The following SLC22A23 variants were observed in gnomAD, a reference collection of about 807,000 sequenced individuals.
SLC22A23 encodes the protein solute carrier family 22 member 23.
In SLC22A23, 26 loss-of-function variants were observed where a neutral mutation model predicts 61.0. That is an observed-to-expected ratio of 0.43 (90% confidence interval 0.31 to 0.59). SLC22A23 has a LOEUF of 0.59. Ranked by LOEUF, SLC22A23 falls within the 20% of genes least tolerant of loss-of-function variation. The pLI, the probability that SLC22A23 is intolerant of heterozygous loss-of-function variation, is 0.11. For synonymous variants in SLC22A23, 430 were observed against 413.9 expected (o/e 1.04, Z -0.47); for missense variants, 796 against 934.7 (o/e 0.85, Z 1.94).
intron 4 of SLC22A23, chr6:3,303,206 A>C (rs146086518): frequency 9.8e-5 from 15 of 152,310 alleles, no homozygotes; most frequent in African/African-American, 3.4e-4. Context: ...CACACACACA[A>C]AAATGCTGGC....
chr6:3,333,084 C>T lies in SLC22A23; in HGVS notation c.914-9082G>A, dbSNP rs1368691960. ...TACTGGGAATGACGCTACCACTGAC[C>T]CATGGAGCAAAGCGGCGGCGCCTCA... On this transcript the variant is annotated intron_variant, in intron 3 of 9. Coordinates refer to ENST00000406686, the MANE Select transcript of SLC22A23 (RefSeq NM_015482.2). The surrounding 1 kb of genome is among the most constrained non-coding windows in gnomAD (Gnocchi z 4.1). 1.3e-5 allele frequency among the ~76,000 whole-genome samples: 2 copies of T among 152,184 alleles called. No homozygotes were observed. Among genetic ancestry groups the T allele is most frequent in the Non-Finnish European group, 2.9e-5 (2 of 68,038 alleles).
At chr6:3,306,344 C>G (rs7770075) in intron 4 of SLC22A23, among the ~76,000 whole-genome samples, 1 of 152,106 alleles carries the variant, frequency 6.6e-6, no homozygotes, top group Non-Finnish European at 1.5e-5. Context: ...TGTGCAAACT[C>G]TATCACCCAG....
At chr6:3,437,799 A>G (rs9392493) in intron 1 of SLC22A23, among the ~76,000 whole-genome samples, 125,206 of 144,276 alleles carry the variant, frequency 0.87, 55,304 homozygotes, top group East Asian at 0.97. Flanking sequence ...CCAGGCTGGA[A>G]TGCAGTGGCA....
At chr6:3,444,454 A>T (rs1422902774) in intron 1 of SLC22A23, among the ~76,000 whole-genome samples, 1 of 152,194 alleles carries the variant, frequency 6.6e-6, no homozygotes, top group Admixed American at 6.5e-5. Context: ...AAAGTCACCA[A>T]CAACTCGTCT....
At chr6:3,396,271 C>T (rs1767997147) in intron 3 of SLC22A23, among the ~76,000 whole-genome samples, 1 of 152,232 alleles carries the variant, frequency 6.6e-6, no homozygotes, top group African/African-American at 2.4e-5. Context: ...CCATCCTGTG[C>T]CCCGGAGATG....
chr6:3,335,856 G>A (rs547713727), intron 3 of SLC22A23, among the ~76,000 whole-genome samples: 4 of 152,332 alleles, frequency 2.6e-5, no homozygotes, highest in South Asian at 2.1e-4. Context: ...TTGGGAGGCC[G>A]AGGCGGGCGG....
At chr6:3,312,587 C>T (rs1762422922) in intron 4 of SLC22A23, 1 of 152,094 alleles carries the variant, frequency 6.6e-6, no homozygotes, top group Non-Finnish European at 1.5e-5. Flanking sequence ...TGAGGCTGTC[C>T]CGGTCGCACT....
At chr6:3,289,689 C>A in intron 6 of SLC22A23, 75 bp downstream of exon 6, 1 of 1,215,880 alleles carries the variant, frequency 8.2e-7, no homozygotes, top group Non-Finnish European at 1.2e-6. Flanking sequence ...GGGAGCAGGG[C>A]CCTGGGCTTC....
rs1483243303 is a variant in SLC22A23 at position 3,289,810 on chromosome 6, C to T, written c.1267G>A (p.Gly423Arg). ...ATGTTCTTCCACAGGTTCCGTGTCC[C>T]CACCACCTTCACGATGCAGACCTTC... ...PKKVCIVKVV[G>R]TRNLWKNIVV... The change falls in exon 6 of 10, where the codon GGG (glycine) becomes AGG (arginine). Residue 423 changes from glycine (G) to arginine (R), a missense_variant. Coordinates refer to ENST00000406686, the MANE Select transcript of SLC22A23 (RefSeq NM_015482.2). 6.2e-7 allele frequency: 1 copy of T among 1,614,020 alleles called. No individual in the cohort carries two copies. Among genetic ancestry groups the T allele is most frequent in the Non-Finnish European group, 8.5e-7 (1 of 1,180,026 alleles).
At chr6:3,348,878 A>T (rs1452715223) in intron 3 of SLC22A23, among the ~76,000 whole-genome samples, 1 of 152,234 alleles carries the variant, frequency 6.6e-6, no homozygotes, top group African/African-American at 2.4e-5. Flanking sequence ...GGGAGGGCTT[A>T]GGAATTTAGA....
At chr6:3,323,407 G>C (rs987907776) in intron 4 of SLC22A23, 1 of 454,058 alleles carries the variant, frequency 2.2e-6, no homozygotes, top group Non-Finnish European at 4.4e-6. Context: ...CAGGCTGAAG[G>C]TTGCCCACCC....
Position 3,328,734 on chromosome 6 carries a change from A to C in SLC22A23, c.914-4732T>G, listed in dbSNP as rs1219579214. ...GCCCCTCATGGATGTCAGCCTGGCCACCCCTCACAGTCGTGTGGGCCAATT... is the reference window on the plus strand; with the variant it reads ...GCCCCTCATGGATGTCAGCCTGGCCCCCCCTCACAGTCGTGTGGGCCAATT... On this transcript the variant is annotated intron_variant, in intron 3 of 9. Coordinates refer to ENST00000406686, the MANE Select transcript of SLC22A23 (RefSeq NM_015482.2). The surrounding 1 kb of genome is among the most constrained non-coding windows in gnomAD (Gnocchi z 5.0). Among the ~76,000 whole-genome samples, 1 of 151,936 alleles carries C rather than the reference A, an allele frequency of 6.6e-6. No homozygotes were observed. Among genetic ancestry groups the C allele is most frequent in the African/African-American group, 2.4e-5 (1 of 41,338 alleles).
chr6:3,352,536 G>T (rs142601733), intron 3 of SLC22A23, among the ~76,000 whole-genome samples: 1 of 152,222 alleles, frequency 6.6e-6, no homozygotes, highest in Non-Finnish European at 1.5e-5. Flanking sequence ...GAGAGCAGGT[G>T]AGCACACACC....
At chr6:3,325,013 T>C (rs1478338348) in intron 3 of SLC22A23, among the ~76,000 whole-genome samples, 1 of 152,238 alleles carries the variant, frequency 6.6e-6, no homozygotes, top group Non-Finnish European at 1.5e-5. Context: ...ACAGAGCATG[T>C]ACATTTATTT....
At chr6:3,365,136 T>G (rs1048625864) in intron 3 of SLC22A23, among the ~76,000 whole-genome samples, 1 of 152,132 alleles carries the variant, frequency 6.6e-6, no homozygotes, top group African/African-American at 2.4e-5. Flanking sequence ...CTGGTCAACA[T>G]GGTGAAACCC....
At chr6:3,378,626 T>C (rs998722855) in intron 3 of SLC22A23, among the ~76,000 whole-genome samples, 2 of 151,342 alleles carry the variant, frequency 1.3e-5, no homozygotes, top group Non-Finnish European at 2.9e-5. Context: ...AACCTCTCTC[T>C]GTGTCAGACT....
At chr6:3,307,165 T>TG (rs1380127311) in intron 4 of SLC22A23, among the ~76,000 whole-genome samples, 1 of 152,140 alleles carries the variant, frequency 6.6e-6, no homozygotes, top group African/African-American at 2.4e-5. Flanking sequence ...ACTGACAAGC[T>TG]GAGGGTAGGC....
At chr6:3,402,544 G>GA (rs1768493952) in intron 3 of SLC22A23, among the ~76,000 whole-genome samples, 2 of 39,702 alleles carry the variant, frequency 5.0e-5, no homozygotes, top group African/African-American at 1.6e-4. Context: ...GCACTAGGCT[G>GA]CAGCCCACTC....
intron 3 of SLC22A23, among the ~76,000 whole-genome samples, chr6:3,356,566 A>G (rs1765119525): frequency 6.6e-6 from 1 of 152,158 alleles, no homozygotes; most frequent in Non-Finnish European, 1.5e-5. Flanking sequence ...CTTCAGCCCC[A>G]GAGACAGTAG....
Sources: gnomAD v4.1 joint callset for allele counts (sites outside exome capture counted in the v4.1 genomes callset) on GRCh38, gnomAD v4.1.1 for gene constraint, Gnocchi (gnomAD v3.1) non-coding constraint, MANE v1.5 for transcripts, NCBI Gene and HGNC (gene_info 2026-07-23, HGNC 2026-07-21) for gene names.